TINF2: variants seen among roughly 807,000 people sequenced by gnomAD.
TINF2 encodes the protein TERF1-interacting nuclear factor 2.
TINF2 carries 27 observed loss-of-function variants against 50.4 expected under a neutral mutation model. The ratio of observed to expected loss-of-function variants is 0.54; its 90% confidence interval spans 0.40 to 0.74. The LOEUF (loss-of-function observed/expected upper bound fraction) is 0.74, where lower values mean the gene tolerates loss of function less well. Ranked by LOEUF, TINF2 falls within the 30% of genes least tolerant of loss-of-function variation. The pLI, the probability that TINF2 is intolerant of heterozygous loss-of-function variation, is 0.00. For synonymous variants in TINF2, 223 were observed against 214.6 expected, an observed-to-expected ratio of 1.04 and a Z score of -0.34; for missense variants, 496 against 551.5, an observed-to-expected ratio of 0.90 and a Z score of 1.01.
In TINF2 at chr14:24,242,398, A is replaced by C; in HGVS notation, c.-66T>G. The C allele has an allele frequency of 6.4e-7, 1 of 1,566,912 alleles. No individual in the cohort carries two copies. Among genetic ancestry groups the C allele is most frequent in the Non-Finnish European group, 8.6e-7 (1 of 1,161,500 alleles). ...TCACCCGGATGGGTGAGGCTTTCCG[A>C]TCACTCCTAGGGGCGGGGCTTCTGG... On this transcript the variant is annotated 5_prime_UTR_variant, in exon 1 of 9. Coordinates refer to ENST00000267415, the MANE Select transcript of TINF2 (RefSeq NM_001099274.3).
chr14:24,240,948 C>T (rs1205187316), intron 5 of TINF2, 72 bp downstream of exon 5: 4 of 1,613,566 alleles, frequency 2.5e-6, no homozygotes, highest in Admixed American at 3.3e-5. Context: ...ATGCCCGGAG[C>T]CCATGGAACT....
chr14:24,240,991 T>C (rs1207085975), intron 5 of TINF2, 29 bp downstream of exon 5: 1 of 1,614,116 alleles, frequency 6.2e-7, no homozygotes, highest in South Asian at 1.1e-5. Context: ...GGTCTCAGGC[T>C]AAACACTACA....
In TINF2 at chr14:24,242,006, T is replaced by C; in HGVS notation, c.193-12A>G. The C allele has an allele frequency of 6.2e-7, 1 of 1,614,252 alleles. No homozygotes were observed. The highest frequency in any genetic ancestry group is 8.5e-7 in the Non-Finnish European group (1 of 1,180,040). The stretch of plus-strand genomic sequence containing the variant: ...AGCTCCACCACCACCTGTACGGTAC[T>C]GAATTCAGAATCCCCACTTCGGGGC... On this transcript the variant is annotated splice_polypyrimidine_tract_variant and intron_variant, in intron 1 of 8. Coordinates refer to ENST00000267415, the MANE Select transcript of TINF2 (RefSeq NM_001099274.3).
Position 24,241,223 on chromosome 14 carries a change from G to C in TINF2, c.488C>G (p.Pro163Arg). 6.2e-7 allele frequency: 1 copy of C among 1,614,208 alleles called. No homozygotes were observed. ...CGAAACCTGCTGTGCCTGCGGTGTA[G>C]GCAGTGCTTTCTCCAGCTGACACAA... ...EYLCQLEKAL[P>R]TPQAQQLQDV... is the part of the protein sequence containing the mutation. The change falls in exon 4 of 9, where the codon CCT becomes CGT. Residue 163 changes from proline (P) to arginine (R), a missense_variant. Pro to Arg is a moderately radical substitution (Grantham distance 103). Around this residue, in one of 3 missense-constraint regions of TINF2, gnomAD observed 314 missense variants for 343.8 expected, o/e 0.91. Transcript: ENST00000267415.
Position 24,240,858 on chromosome 14 carries a change from A to G in TINF2, c.622T>C (p.Ser208Pro), listed in dbSNP as rs377436580. ...WLLPECSVTDSVNLAEPMEQN... is the reference protein window; with the variant it reads ...WLLPECSVTDPVNLAEPMEQN... The stretch of plus-strand genomic sequence containing the variant: ...TCCATGGGCTCAGCCAGGTTCACTG[A>G]GTCAGTAACAGAGCACTCTGAAAAA... Residue 208 changes from serine (S) to proline (P), a missense_variant, in exon 6 of 9, where the codon TCA becomes CCA. Ser to Pro is a moderately conservative substitution (Grantham distance 74, BLOSUM62 -1). Around this residue, in one of 3 missense-constraint regions of TINF2, gnomAD observed 314 missense variants for 343.8 expected, o/e 0.91. Transcript: ENST00000267415. 39 of 1,613,912 alleles carry G rather than the reference A, an allele frequency of 2.4e-5. No individual in the cohort carries two copies. Among genetic ancestry groups the G allele is most frequent in the Non-Finnish European group, 3.2e-5 (38 of 1,180,030 alleles).
At position 24,242,593 on chromosome 14, in the gene TINF2, G is replaced by A; in HGVS notation, c.-261C>T. ...GGCACTGGGTCGCTCAGCTTTAAAC[G>A]TCGCCGCTGTCTCGAGCCCGAGGGT... On this transcript the variant is annotated 5_prime_UTR_variant, in exon 1 of 9. In the 5' UTR this introduces an upstream ATG that the reference lacks. Transcript: ENST00000267415. The A allele has an allele frequency of 7.5e-7, 1 of 1,334,514 alleles. No homozygotes were observed. The highest frequency in any genetic ancestry group is 9.6e-7 in the Non-Finnish European group (1 of 1,042,226). 82.7% of individuals were successfully genotyped at this position (1,334,514 alleles called of 1,614,324 possible).
chr14:24,240,249 C>T lies in TINF2; in HGVS notation c.1129+14G>A. The T allele has an allele frequency of 6.2e-7, 1 of 1,614,044 alleles. No homozygotes were observed. Among genetic ancestry groups the T allele is most frequent in the Non-Finnish European group, 8.5e-7 (1 of 1,180,022 alleles). On this transcript the variant is annotated intron_variant, in intron 7 of 8. Transcript: ENST00000267415. ...GAGGAGGCTGTTGATCCAATCCTGA[C>T]TCAGACTACCTACCTGGCTTCCTGG... is the stretch of plus-strand genomic sequence containing the variant.
Position 24,242,353 on chromosome 14 carries a change from A to G in TINF2, c.-21T>C. 5 of 1,607,698 alleles carry G rather than the reference A, an allele frequency of 3.1e-6. No homozygotes were observed. Among genetic ancestry groups the G allele is most frequent in the Non-Finnish European group, 4.2e-6 (5 of 1,177,810 alleles). On this transcript the variant is annotated 5_prime_UTR_variant, in exon 1 of 9. Coordinates refer to ENST00000267415, the MANE Select transcript of TINF2 (RefSeq NM_001099274.3). ...GCCATGGTCGGCGGGCTCCGCCCGG[A>G]GGCGGTCCCTCCGGGTTCCTCACCC...
Position 24,239,652 on chromosome 14 carries a change from A to C in TINF2, c.*145T>G. 1 of 1,552,380 alleles carries C rather than the reference A, an allele frequency of 6.4e-7. No individual in the cohort carries two copies. The highest frequency in any genetic ancestry group is 8.7e-7 in the Non-Finnish European group (1 of 1,152,856). On this transcript the variant is annotated 3_prime_UTR_variant, in exon 9 of 9. Coordinates refer to ENST00000267415, the MANE Select transcript of TINF2 (RefSeq NM_001099274.3). Reference sequence around the variant, plus strand: ...TCACATCAAGGCAGTATTTTAACAAATCCAAAGTTTAATTATTAAGGATTA... The same window carrying C: ...TCACATCAAGGCAGTATTTTAACAACTCCAAAGTTTAATTATTAAGGATTA...
intron 8 of TINF2, 27 bp downstream of exon 8, chr14:24,240,037 C>G (rs774232480): frequency 1.3e-5 from 21 of 1,614,176 alleles, no homozygotes; most frequent in Non-Finnish European, 1.7e-5. Context: ...CATCCCCTTT[C>G]CCAGCTTTCT....
chr14:24,241,566 G>A (rs554204658), intron 3 of TINF2, 109 bp downstream of exon 3: 886 of 989,024 alleles, frequency 9.0e-4, no homozygotes, highest in Non-Finnish European at 9.5e-4. Flanking sequence ...GCAGTGAGCC[G>A]AGATTGTGCC....
Position 24,242,564 on chromosome 14 carries a change from C to G in TINF2, c.-232G>C. On this transcript the variant is annotated 5_prime_UTR_variant, in exon 1 of 9. Transcript: ENST00000267415. ...CCTGAGTGGAGAAGCTGACCGTCTCCAGTGGCACTGGGTCGCTCAGCTTTA... is the reference window on the plus strand; with the variant it reads ...CCTGAGTGGAGAAGCTGACCGTCTCGAGTGGCACTGGGTCGCTCAGCTTTA... The G allele has an allele frequency of 7.1e-7, 1 of 1,398,752 alleles. No homozygotes were observed. Among genetic ancestry groups the G allele is most frequent in the Non-Finnish European group, 9.3e-7 (1 of 1,078,482 alleles). The allele number at this position is 1,398,752 out of a possible 1,614,324, so 86.6% of individuals were successfully genotyped here. A position where few individuals can be genotyped will look rare whatever the true frequency, so the allele number is the denominator to read the frequency against.
Position 24,242,414 on chromosome 14 carries a change from G to A in TINF2, c.-82C>T. ...GGCTTTCCGATCACTCCTAGGGGCG[G>A]GGCTTCTGGCAACTCCCTGTCGCTC... is the stretch of plus-strand genomic sequence containing the variant. On this transcript the variant is annotated 5_prime_UTR_variant, in exon 1 of 9. Coordinates refer to ENST00000267415, the MANE Select transcript of TINF2 (RefSeq NM_001099274.3). 6.7e-7 allele frequency: 1 copy of A among 1,503,622 alleles called. No individual in the cohort carries two copies. Among genetic ancestry groups the A allele is most frequent in the Non-Finnish European group, 8.8e-7 (1 of 1,132,982 alleles). 93.1% of individuals were successfully genotyped at this position (1,503,622 alleles called of 1,614,324 possible).
In TINF2 at chr14:24,242,515, G is replaced by C. The variant is rs2040603894; in HGVS notation, c.-183C>G. On this transcript the variant is annotated 5_prime_UTR_variant, in exon 1 of 9. Coordinates refer to ENST00000267415, the MANE Select transcript of TINF2 (RefSeq NM_001099274.3). ...GGCCCCCAGAATTCTGGGGGAGGGG[G>C]TCTTCTGGCTCGGGCTGGAGGAGCC... The C allele has an allele frequency of 7.0e-7, 1 of 1,429,538 alleles. No individual in the cohort carries two copies. Among genetic ancestry groups the C allele is most frequent in the Admixed American group, 2.9e-5 (1 of 34,674 alleles). The allele number at this position is 1,429,538 out of a possible 1,614,324, so 88.6% of individuals were successfully genotyped here. A position where few individuals can be genotyped will look rare whatever the true frequency, so the allele number is the denominator to read the frequency against.
At position 24,241,104 on chromosome 14, in the gene TINF2, G is replaced by C. The variant is rs374116388; in HGVS notation, c.520C>G (p.Leu174Val). 9 of 1,614,192 alleles carry C rather than the reference G, an allele frequency of 5.6e-6. No individual in the cohort carries two copies. Among genetic ancestry groups the C allele is most frequent in the East Asian group, 2.2e-5 (1 of 44,882 alleles). Reference protein sequence around the residue: ...TPQAQQLQDVLSWMQPGVSIT... With the variant: ...TPQAQQLQDVVSWMQPGVSIT... ...GAGACTCCAGGCTGCATCCAACTCA[G>C]CACATCCTGAAGCTGTGGGCAGGGA... Residue 174 changes from leucine (L) to valine (V), a missense_variant, in exon 5 of 9, where the codon CTG becomes GTG. Coordinates refer to ENST00000267415, the MANE Select transcript of TINF2 (RefSeq NM_001099274.3).
chr14:24,239,810 G>A lies in TINF2; in HGVS notation c.1343C>T (p.Ser448Phe). 6.2e-7 allele frequency: 1 copy of A among 1,614,186 alleles called. No homozygotes were observed. Among genetic ancestry groups the A allele is most frequent in the South Asian group, 1.1e-5 (1 of 91,080 alleles). The change falls in exon 9 of 9, where the codon TCT becomes TTT. Residue 448 changes from serine to phenylalanine, a missense_variant. This residue lies in a region of TINF2 where 179 missense variants were observed against 188.3 expected (regional missense o/e 0.95). Transcript: ENST00000267415. ...ATTTTAGTTCTATCACAAAGGTCTAGAACTGTCTCTACAGTCACAGGAAGA... is the reference window on the plus strand; with the variant it reads ...ATTTTAGTTCTATCACAAAGGTCTAAAACTGTCTCTACAGTCACAGGAAGA... ...PVSSCDCRDS[S>F]RPL is the part of the protein sequence containing the mutation.
Position 24,239,851 on chromosome 14 carries a change from G to T in TINF2, c.1302C>A (p.His434Gln). 2 of 1,614,180 alleles carry T rather than the reference G, an allele frequency of 1.2e-6. No individual in the cohort carries two copies. Among genetic ancestry groups the T allele is most frequent in the African/African-American group, 1.3e-5 (1 of 75,046 alleles). The change falls in exon 9 of 9, where the codon CAC becomes CAA. Residue 434 changes from histidine to glutamine, a missense_variant. By Grantham distance (24) the His-to-Gln change is conservative (BLOSUM62 0). Coordinates refer to ENST00000267415, the MANE Select transcript of TINF2 (RefSeq NM_001099274.3). ...CACAGGAAGAAACAGGTATGGCACC[G>T]TGGCCAGAAGGGGGTAGGTATTCAC... ...TLCEYLPPSG[H>Q]GAIPVSSCDC...
At position 24,241,297 on chromosome 14, in the gene TINF2, C is replaced by T. The variant is rs775467488; in HGVS notation, c.414G>A (p.Glu138=). 6.2e-7 allele frequency: 1 copy of T among 1,613,786 alleles called. No homozygotes were observed. The highest frequency in any genetic ancestry group is 1.3e-5 in the African/African-American group (1 of 74,618). Residue 138 remains glutamate (E), a synonymous_variant, in exon 4 of 9, where the codon GAG becomes GAA. Transcript: ENST00000267415. ...LASKLQELEQ[E]YGEPFLAAME... is the part of the protein sequence containing the mutation. ...TGGCAGCCAGAAAGGGTTCCCCATA[C>T]TCTTGTTCAAGTTCCTACAGCAGGG...
rs1205167406 is a variant in TINF2, at chr14:24,239,933, T to C, written c.1222-2A>G. On this transcript the variant is annotated splice_acceptor_variant, in intron 8 of 8. Transcript: ENST00000267415. LOFTEE classifies it high-confidence loss of function. ...CTTCTGATAGTTTTCCAGAGATTCC[T>C]GTAGAGAAGGGAGCAGGGAGAGCCT... 1 of 1,614,178 alleles carries C rather than the reference T, an allele frequency of 6.2e-7. No individual in the cohort carries two copies. The highest frequency in any genetic ancestry group is 2.2e-5 in the East Asian group (1 of 44,878).
Sources: gnomAD v4.1 joint callset for allele counts on GRCh38, gnomAD v4.1.1 for gene constraint, gnomAD v4.1.1 regional missense constraint, MANE v1.5 for transcripts, NCBI Gene and HGNC (gene_info 2026-07-23, HGNC 2026-07-21) for gene names.